The following KCNQ1 variants were observed in gnomAD, a reference collection of about 807,000 sequenced individuals.
KCNQ1 encodes potassium voltage-gated channel subfamily KQT member 1.
Under a neutral mutation model 72.4 loss-of-function variants are expected in KCNQ1, and 49 were observed. The ratio of observed to expected loss-of-function variants is 0.68; its 90% CI spans 0.54 to 0.86. The LOEUF is 0.86. Among genes scored for constraint, KCNQ1 ranks in the 40% least tolerant of loss-of-function variants. The probability of loss-of-function intolerance (pLI) is 0.00; values close to 1 mark genes in which losing one functional copy is unlikely to be tolerated. For missense variants in KCNQ1, 790 were observed against 945.1 expected (o/e 0.84, Z 2.15); for synonymous variants, 450 against 412.6 (o/e 1.09, Z -1.10).
chr11:2,601,755 AT>A lies in KCNQ1; in HGVS notation c.1393+12902del, dbSNP rs1848811721. Among the ~76,000 whole-genome samples, 1 of 152,224 alleles carries A rather than the reference AT, an allele frequency of 6.6e-6. No individual in the cohort carries two copies. Among genetic ancestry groups the A allele is most frequent in the African/African-American group, 2.4e-5 (1 of 41,440 alleles). ...GTTTTGTATCGCGACAGTTCATTAA[AT>A]CATAGTGCTGAGTGGAGTTTCACGG... On this transcript the variant is annotated intron_variant, in intron 10 of 15. Coordinates refer to ENST00000155840, the MANE Select transcript of KCNQ1 (RefSeq NM_000218.3). The surrounding 1 kb of genome is among the most constrained non-coding windows in gnomAD (Gnocchi z 5.2).
intron 1 of KCNQ1, among the ~76,000 whole-genome samples, chr11:2,474,540 G>T (rs1392623346): frequency 1.3e-5 from 2 of 152,234 alleles, no homozygotes; most frequent in African/African-American, 2.4e-5. Flanking sequence ...AGCACAGGTG[G>T]CTTTGGTGCC....
Position 2,620,760 on chromosome 11 carries a change from C to T in KCNQ1, c.1393+31906C>T, listed in dbSNP as rs1420400965. ...TTCTGTTTTCAGTTATTTGAGAAAA[C>T]TCCAAACTGCTTAGCACAGTGGCTG... On this transcript the variant is annotated intron_variant, in intron 10 of 15. Coordinates refer to ENST00000155840, the MANE Select transcript of KCNQ1 (RefSeq NM_000218.3). The surrounding 1 kb of genome is among the most constrained non-coding windows in gnomAD (Gnocchi z 4.5). 3 of 398,454 alleles carry T rather than the reference C, an allele frequency of 7.5e-6. No individual in the cohort carries two copies. In the East Asian group the frequency reaches 1.1e-4, roughly 14 times the overall value. The allele number at this position is 398,454 out of a possible 1,614,324, so 24.7% of individuals were successfully genotyped here.
intron 10 of KCNQ1, chr11:2,643,257 G>T (rs967067265): frequency 2.5e-6 from 1 of 398,128 alleles, no homozygotes; most frequent in African/African-American, 2.1e-5. Flanking sequence ...TGGAAATGGA[G>T]AATTGAAGTT....
At chr11:2,453,881 C>A (rs1459888585) in intron 1 of KCNQ1, among the ~76,000 whole-genome samples, 1 of 152,168 alleles carries the variant, frequency 6.6e-6, no homozygotes, top group Admixed American at 6.5e-5. Context: ...GAATATTATG[C>A]AGCTGTAAAA....
At chr11:2,535,037 C>T (rs1005757660) in intron 2 of KCNQ1, among the ~76,000 whole-genome samples, 1 of 152,174 alleles carries the variant, frequency 6.6e-6, no homozygotes, top group South Asian at 2.1e-4. Context: ...TCTGCACAGC[C>T]CCCAGGGCAC....
Position 2,669,035 on chromosome 11 carries a change from C to A in KCNQ1, c.1514+6954C>A. ...CTTGGATATCCAGTCTAGCTCAGCA[C>A]CCGGCATGGGAAGGCCCGTCCTCTC... On this transcript the variant is annotated intron_variant, in intron 11 of 15. Coordinates refer to ENST00000155840, the MANE Select transcript of KCNQ1 (RefSeq NM_000218.3). The surrounding 1 kb of genome is among the most constrained non-coding windows in gnomAD (Gnocchi z 5.6). 1 of 398,698 alleles carries A rather than the reference C, an allele frequency of 2.5e-6. No individual in the cohort carries two copies. Among genetic ancestry groups the A allele is most frequent in the Non-Finnish European group, 4.4e-6 (1 of 226,106 alleles). The allele number at this position is 398,698 out of a possible 1,614,324, so 24.7% of individuals were successfully genotyped here.
rs1045310425 is a variant in KCNQ1 at position 2,464,432 on chromosome 11, C to T, written c.386+18948C>T. 4.6e-5 allele frequency among the ~76,000 whole-genome samples: 7 copies of T among 152,236 alleles called. No individual in the cohort carries two copies. In the East Asian group the frequency reaches 5.8e-4, roughly 13 times the overall value. On this transcript the variant is annotated intron_variant, in intron 1 of 15. Transcript: ENST00000155840. This position sits in a 1 kb window ranked among gnomAD's most constrained non-coding sequence, Gnocchi z 5.0. ...GAGTCCCTGGAGTGTCTTCTGGCAT[C>T]GCATGGATGAGAACTCTGAATGAAT...
intron 11 of KCNQ1, among the ~76,000 whole-genome samples, chr11:2,755,736 G>T (rs533734491): frequency 2.9e-4 from 44 of 152,186 alleles, no homozygotes; most frequent in Non-Finnish European, 5.9e-4. Context: ...GCCTACCAAA[G>T]AAATGGATAT....
intron 15 of KCNQ1, among the ~76,000 whole-genome samples, chr11:2,832,648 T>C (rs1847976245): frequency 6.6e-6 from 1 of 152,198 alleles, no homozygotes; most frequent in African/African-American, 2.4e-5. Flanking sequence ...TCCTCAGGTC[T>C]GCCCGCCTCC....
chr11:2,724,504 A>T lies in KCNQ1; in HGVS notation c.1515-44340A>T, dbSNP rs1014595180. On this transcript the variant is annotated intron_variant, in intron 11 of 15. Transcript: ENST00000155840. This position sits in a 1 kb window ranked among gnomAD's most constrained non-coding sequence, Gnocchi z 6.8. ...GAGAGAGAAGTGGTGGGTGGCAGCG[A>T]GCAGGCTGTCCTGCAAGGCCGTGGC... is the stretch of plus-strand genomic sequence containing the variant. Among the ~76,000 whole-genome samples, 1 of 152,162 alleles carries T rather than the reference A, an allele frequency of 6.6e-6. No homozygotes were observed. Among genetic ancestry groups the T allele is most frequent in the Admixed American group, 6.5e-5 (1 of 15,280 alleles).
intron 2 of KCNQ1, among the ~76,000 whole-genome samples, chr11:2,542,877 T>C (rs1847851200): frequency 1.3e-5 from 2 of 152,268 alleles, no homozygotes; most frequent in Non-Finnish European, 1.5e-5. Flanking sequence ...TTGTAGGGAC[T>C]TATATTTCCT....
At chr11:2,719,257 C>T (rs1851161521) in intron 11 of KCNQ1, among the ~76,000 whole-genome samples, 1 of 149,974 alleles carries the variant, frequency 6.7e-6, no homozygotes, top group Non-Finnish European at 1.5e-5. Context: ...CAGGCTGGTG[C>T]CTATAGTCCC....
chr11:2,650,473 G>C (rs1048144081), intron 10 of KCNQ1: 2 of 398,518 alleles, frequency 5.0e-6, no homozygotes, highest in Non-Finnish European at 8.8e-6. Flanking sequence ...TTTGGTTCTG[G>C]TTCAGTGCAG....
intron 2 of KCNQ1, among the ~76,000 whole-genome samples, chr11:2,531,613 C>T (rs754847628): frequency 6.6e-5 from 10 of 152,166 alleles, no homozygotes; most frequent in African/African-American, 1.2e-4. Flanking sequence ...CAGCAGGAAC[C>T]GGCCCTTTCA....
rs1239278209 is a variant in KCNQ1, at chr11:2,599,920, C to T, written c.1393+11066C>T. Among the ~76,000 whole-genome samples the T allele has an allele frequency of 2.0e-5, 3 of 152,354 alleles. No individual in the cohort carries two copies. The highest frequency in any genetic ancestry group is 2.1e-4 in the South Asian group (1 of 4,832). ...AAAGACCAGGGCTTCAACTGCAAAC[C>T]TTGTGGGACACAATTCAGCCCGTGA... is the stretch of plus-strand genomic sequence containing the variant. On this transcript the variant is annotated intron_variant, in intron 10 of 15. Coordinates refer to ENST00000155840, the MANE Select transcript of KCNQ1 (RefSeq NM_000218.3). This position sits in a 1 kb window ranked among gnomAD's most constrained non-coding sequence, Gnocchi z 4.7.
At chr11:2,825,539 G>T (rs959801701) in intron 15 of KCNQ1, among the ~76,000 whole-genome samples, 5 of 152,242 alleles carry the variant, frequency 3.3e-5, no homozygotes, top group African/African-American at 1.2e-4. Flanking sequence ...TCACACCCTG[G>T]ACGCTTCCTT....
intron 1 of KCNQ1, among the ~76,000 whole-genome samples, chr11:2,511,351 G>A (rs887077300): frequency 4.6e-5 from 7 of 152,172 alleles, no homozygotes; most frequent in African/African-American, 1.7e-4. Flanking sequence ...CCTGATTCCT[G>A]TTTCTGAATG....
In KCNQ1 at chr11:2,608,940, CTCTCTT is replaced by C. The variant is rs1213880426; in HGVS notation, c.1393+20087_1393+20092del. Reference sequence around the variant, plus strand: ...CCCTTCTTTTCTTCTCCCTCTCCCTCTCTCTTACCAATCTATCAAAGGTTTGTTAAT... The same window carrying C: ...CCCTTCTTTTCTTCTCCCTCTCCCTCACCAATCTATCAAAGGTTTGTTAAT... On this transcript the variant is annotated intron_variant, in intron 10 of 15. Transcript: ENST00000155840. This position sits in a 1 kb window ranked among gnomAD's most constrained non-coding sequence, Gnocchi z 4.6. The C allele has an allele frequency of 2.5e-6, 1 of 398,404 alleles. No individual in the cohort carries two copies. The highest frequency in any genetic ancestry group is 2.1e-5 in the African/African-American group (1 of 48,578). The allele number at this position is 398,404 out of a possible 1,614,324, so 24.7% of individuals were successfully genotyped here.
chr11:2,456,996 T>C (rs1014750096), intron 1 of KCNQ1, among the ~76,000 whole-genome samples: 13 of 145,878 alleles, frequency 8.9e-5, no homozygotes, highest in African/African-American at 3.0e-4. Flanking sequence ...GCAAAAGATA[T>C]GGTAGACAGT....
Sources: gnomAD v4.1 joint callset for allele counts (sites outside exome capture counted in the v4.1 genomes callset) on GRCh38, gnomAD v4.1.1 for gene constraint, Gnocchi (gnomAD v3.1) non-coding constraint, MANE v1.5 for transcripts, NCBI Gene and HGNC (gene_info 2026-07-23, HGNC 2026-07-21) for gene names.